The following TIMMDC1 variants were observed in gnomAD, a reference collection of about 807,000 sequenced individuals.
TIMMDC1 encodes the protein translocase of inner mitochondrial membrane domain containing 1, also known as complex I assembly factor TIMMDC1, mitochondrial.
In TIMMDC1, 25 loss-of-function variants were observed where a neutral mutation model predicts 32.6. The ratio of observed to expected loss-of-function variants is 0.77; its 90% CI spans 0.56 to 1.07. The LOEUF (loss-of-function observed/expected upper bound fraction) is 1.07. Among genes scored for constraint, TIMMDC1 ranks in the 50% least tolerant of loss-of-function variants. The pLI is 0.00. For missense variants in TIMMDC1, 329 were observed against 349.2 expected (o/e 0.94, Z 0.46); for synonymous variants, 130 against 127.6 (o/e 1.02, Z -0.13).
At chr3:119,512,285 AT>A (rs2081957299) in intron 4 of TIMMDC1, among the ~76,000 whole-genome samples, 1 of 151,826 alleles carries the variant, frequency 6.6e-6, no homozygotes. Context: ...TTTTTGTTTT[AT>A]TTTGTTTTTT....
intron 4 of TIMMDC1, among the ~76,000 whole-genome samples, chr3:119,511,172 A>G (rs535985497): frequency 2.0e-4 from 30 of 152,122 alleles, no homozygotes; most frequent in Admixed American, 1.6e-3. Context: ...ATTTTTCAAT[A>G]TATTTATTGA....
At chr3:119,499,990 T>A (rs1046966898) in intron 1 of TIMMDC1, among the ~76,000 whole-genome samples, 2 of 152,234 alleles carry the variant, frequency 1.3e-5, no homozygotes, top group African/African-American at 4.8e-5. Flanking sequence ...GTTGCTATGC[T>A]GGATTTGAAC....
At chr3:119,518,024 G>A (rs2081997732) in intron 6 of TIMMDC1, among the ~76,000 whole-genome samples, 2 of 149,282 alleles carry the variant, frequency 1.3e-5, no homozygotes, top group African/African-American at 5.0e-5. Context: ...GACACAGCAT[G>A]TTAAGTCTCC....
At chr3:119,519,594 CCA>C (rs2082010421) in intron 6 of TIMMDC1, among the ~76,000 whole-genome samples, 1 of 152,002 alleles carries the variant, frequency 6.6e-6, no homozygotes, top group African/African-American at 2.4e-5. Flanking sequence ...ACCAGAGCAT[CCA>C]TATATATATA....
intron 6 of TIMMDC1, among the ~76,000 whole-genome samples, chr3:119,522,259 A>G (rs2082031600): frequency 1.3e-5 from 2 of 152,334 alleles, no homozygotes; most frequent in East Asian, 1.9e-4. Flanking sequence ...TTGTGGGAAC[A>G]TGGATGAGCC....
chr3:119,500,980 T>G (rs756918505), intron 2 of TIMMDC1, 120 bp downstream of exon 2: 67 of 1,001,842 alleles, frequency 6.7e-5, no homozygotes, highest in Non-Finnish European at 9.4e-5. Flanking sequence ...AGTAAAGAAA[T>G]AAAGTCTGTA....
intron 6 of TIMMDC1, among the ~76,000 whole-genome samples, chr3:119,521,091 A>G (rs1329545289): frequency 6.6e-6 from 1 of 152,238 alleles, no homozygotes; most frequent in Non-Finnish European, 1.5e-5. Flanking sequence ...TTCTCAGTAC[A>G]GTAAAGGCCA....
Position 119,524,346 on chromosome 3 carries a change from A to G in TIMMDC1, c.*590A>G, listed in dbSNP as rs1330640451. On this transcript the variant is annotated 3_prime_UTR_variant, in exon 7 of 7. Transcript: ENST00000494664. ...CTTCCCTTAGTATTGCTGACAAAGT[A>G]TCTGCTGTAGAATACAGGAATTACT... 6.6e-6 allele frequency: 1 copy of G among 152,290 alleles called. No individual in the cohort carries two copies. The highest frequency in any genetic ancestry group is 1.5e-5 in the Non-Finnish European group (1 of 68,066). 9.4% of individuals were successfully genotyped at this position (152,290 alleles called of 1,614,324 possible). A position where few individuals can be genotyped will look rare whatever the true frequency, so the allele number is the denominator to read the frequency against.
At chr3:119,522,746 A>G (rs1389081220) in intron 6 of TIMMDC1, among the ~76,000 whole-genome samples, 6 of 152,152 alleles carry the variant, frequency 3.9e-5, no homozygotes, top group Non-Finnish European at 5.9e-5. Context: ...TAGTAATGAA[A>G]GAATACTTTG....
intron 1 of TIMMDC1, among the ~76,000 whole-genome samples, chr3:119,499,508 C>T (rs530962498): frequency 1.3e-5 from 2 of 151,754 alleles, no homozygotes; most frequent in South Asian, 4.2e-4. Context: ...CTCTTCACTT[C>T]CCAGGTTCAA....
At chr3:119,508,828 G>A (rs1190582177) in intron 4 of TIMMDC1, among the ~76,000 whole-genome samples, 1 of 152,158 alleles carries the variant, frequency 6.6e-6, no homozygotes, top group African/African-American at 2.4e-5. Flanking sequence ...TTCAATATCT[G>A]ATTCAAATTT....
chr3:119,507,804 T>G (rs72952932), intron 4 of TIMMDC1, among the ~76,000 whole-genome samples: 16,107 of 152,226 alleles, frequency 0.11, 2,092 homozygotes, highest in African/African-American at 0.31. Context: ...TATTAAGATG[T>G]GGGAGAGGGA....
chr3:119,520,040 T>C (rs2082014796), intron 6 of TIMMDC1, among the ~76,000 whole-genome samples: 1 of 152,002 alleles, frequency 6.6e-6, no homozygotes, highest in South Asian at 2.1e-4. Context: ...AAGAAGGAAA[T>C]TTAAAAATTT....
chr3:119,519,470 A>G (rs1560050244), intron 6 of TIMMDC1, among the ~76,000 whole-genome samples: 1 of 146,980 alleles, frequency 6.8e-6, no homozygotes, highest in Non-Finnish European at 1.5e-5. Context: ...TACTTATGCT[A>G]GATAAAATAG....
At chr3:119,508,380 C>G (rs890076531) in intron 4 of TIMMDC1, among the ~76,000 whole-genome samples, 1 of 152,222 alleles carries the variant, frequency 6.6e-6, no homozygotes, top group African/African-American at 2.4e-5. Flanking sequence ...CTGTCTGTCT[C>G]TCCTATTTTG....
In TIMMDC1 at chr3:119,523,780, C is replaced by G. The variant is rs200966996; in HGVS notation, c.*24C>G. ...GAAAGTGCTCTGAACTTGAAACTCA[C>G]TGGAGAGCTGAAGGGAGCTGCCATG... On this transcript the variant is annotated 3_prime_UTR_variant, in exon 7 of 7. Transcript: ENST00000494664. 6 of 1,565,820 alleles carry G rather than the reference C, an allele frequency of 3.8e-6. No individual in the cohort carries two copies. The East Asian group carries it at 1.4e-4, about 36-fold the overall frequency.
chr3:119,513,980 T>G (rs1449857682), intron 5 of TIMMDC1, among the ~76,000 whole-genome samples: 2 of 152,232 alleles, frequency 1.3e-5, no homozygotes, highest in East Asian at 3.8e-4. Flanking sequence ...CTATCTAAGA[T>G]AGGGCCCTTA....
intron 5 of TIMMDC1, among the ~76,000 whole-genome samples, chr3:119,514,960 C>T (rs186654970): frequency 1.1e-4 from 16 of 152,158 alleles, no homozygotes; most frequent in African/African-American, 3.6e-4. Context: ...GAGGCCGAGG[C>T]AGGTAGATCA....
intron 6 of TIMMDC1, among the ~76,000 whole-genome samples, chr3:119,521,791 A>G (rs550650848): frequency 1.1e-3 from 168 of 152,322 alleles, no homozygotes; most frequent in African/African-American, 3.9e-3. Flanking sequence ...AGTATTCAAC[A>G]TAACTAATCA....
Sources: gnomAD v4.1 joint callset for allele counts (sites outside exome capture counted in the v4.1 genomes callset) on GRCh38, gnomAD v4.1.1 for gene constraint, MANE v1.5 for transcripts, NCBI Gene and HGNC (gene_info 2026-07-23, HGNC 2026-07-21) for gene names.